Variants in C2CD3 observed in about 807,000 individuals in gnomAD.
The protein encoded by C2CD3 is C2 domain-containing protein 3.
Under a neutral mutation model 234.0 loss-of-function variants are expected in C2CD3, and 148 were observed. The observed-to-expected ratio is 0.63, with a 90% CI of 0.55 to 0.72. The LOEUF is 0.72. C2CD3 is among the 30% of genes least tolerant of loss of function. The pLI, the probability that C2CD3 is intolerant of heterozygous loss-of-function variation, is 0.00. For missense variants in C2CD3, 2,577 were observed against 2,811.5 expected (o/e 0.92, Z 1.89); for synonymous variants, 1,000 against 1,035.4 (o/e 0.97, Z 0.66).
intron 13 of C2CD3, among the ~76,000 whole-genome samples, chr11:74,106,151 T>C (rs1158097254): frequency 6.6e-6 from 1 of 152,182 alleles, no homozygotes; most frequent in Non-Finnish European, 1.5e-5. Context: ...TTCACCTCCA[T>C]AGAAAGATCC....
intron 24 of C2CD3, among the ~76,000 whole-genome samples, chr11:74,060,845 T>G (rs1954202537): frequency 6.6e-6 from 1 of 152,194 alleles, no homozygotes; most frequent in African/African-American, 2.4e-5. Context: ...AGGAGGATGT[T>G]CGAACCCATT....
chr11:74,094,791 C>T (rs1956044270), intron 17 of C2CD3, among the ~76,000 whole-genome samples: 1 of 152,128 alleles, frequency 6.6e-6, no homozygotes, highest in African/African-American at 2.4e-5. Context: ...AGATAATGAT[C>T]TATGTGAGAT....
intron 32 of C2CD3, among the ~76,000 whole-genome samples, chr11:74,018,905 C>T (rs1008239716): frequency 6.6e-6 from 1 of 152,276 alleles, no homozygotes; most frequent in East Asian, 1.9e-4. Context: ...TATGCTCCCT[C>T]CGTGCCACAC....
chr11:74,042,889 T>A (rs1024496544), intron 28 of C2CD3, among the ~76,000 whole-genome samples: 3 of 152,256 alleles, frequency 2.0e-5, no homozygotes, highest in South Asian at 4.1e-4. Flanking sequence ...TATTACGCCA[T>A]GTGATTATCA....
At chr11:74,124,856 T>G (rs567619656) in intron 7 of C2CD3, among the ~76,000 whole-genome samples, 1 of 152,374 alleles carries the variant, frequency 6.6e-6, no homozygotes, top group Non-Finnish European at 1.5e-5. Flanking sequence ...TTAAAAGTTA[T>G]GAAGACTTTT....
chr11:74,066,847 T>G (rs1954564432), intron 24 of C2CD3, among the ~76,000 whole-genome samples: 1 of 152,146 alleles, frequency 6.6e-6, no homozygotes, highest in Admixed American at 6.6e-5. Context: ...AAAGTAACAA[T>G]GATTCAGAGA....
chr11:74,084,210 G>A (rs192083018), intron 22 of C2CD3, among the ~76,000 whole-genome samples: 5 of 152,068 alleles, frequency 3.3e-5, no homozygotes, highest in South Asian at 2.1e-4. Flanking sequence ...ACTAGACACC[G>A]CATGTTCTTA....
chr11:74,170,880 GT>G lies in C2CD3; in HGVS notation c.-89del, dbSNP rs1470187115. ...CGCCATCCCTCCCCACGGCGCCTGC[GT>G]TCCCCGGCAACCGGCGCCGCTGGGC... On this transcript the variant is annotated 5_prime_UTR_variant, in exon 1 of 33. Transcript: ENST00000334126. The G allele has an allele frequency of 7.6e-6, 12 of 1,588,630 alleles. No homozygotes were observed. The highest frequency in any genetic ancestry group is 1.9e-4 in the Middle Eastern group (1 of 5,330).
intron 18 of C2CD3, among the ~76,000 whole-genome samples, chr11:74,093,006 T>C (rs190699718): frequency 8.1e-4 from 123 of 152,336 alleles, no homozygotes; most frequent in African/African-American, 1.8e-3. Flanking sequence ...TTCCTTCTTA[T>C]GTCAAAACAA....
At chr11:74,016,296 T>C (rs926497605) in intron 32 of C2CD3, among the ~76,000 whole-genome samples, 1 of 149,724 alleles carries the variant, frequency 6.7e-6, no homozygotes, top group African/African-American at 2.6e-5. Flanking sequence ...GCTGAGAAAG[T>C]CTGGGGCGGC....
chr11:74,145,375 T>A (rs1440793700), intron 3 of C2CD3, among the ~76,000 whole-genome samples: 1 of 152,224 alleles, frequency 6.6e-6, no homozygotes, highest in Non-Finnish European at 1.5e-5. Flanking sequence ...TTGAAAAGTG[T>A]CTGTTCATGT....
intron 24 of C2CD3, among the ~76,000 whole-genome samples, chr11:74,073,401 A>ATGG (rs1954886679): frequency 6.6e-6 from 1 of 152,136 alleles, no homozygotes; most frequent in South Asian, 2.1e-4. Flanking sequence ...AGCCTGTCCA[A>ATGG]CATGGTGAAA....
At chr11:74,146,710 C>CCACACACACACACACA (rs141560536) in intron 3 of C2CD3, among the ~76,000 whole-genome samples, 7 of 85,004 alleles carry the variant, frequency 8.2e-5, no homozygotes, top group Non-Finnish European at 1.1e-4. Flanking sequence ...AAAAGTCAAA[C>CCACACACACACACACA]CACACACACA....
chr11:74,021,442 CA>C (rs1336677244), intron 32 of C2CD3, among the ~76,000 whole-genome samples: 2 of 152,056 alleles, frequency 1.3e-5, no homozygotes, highest in African/African-American at 4.8e-5. Context: ...TGTAGAGTTA[CA>C]GTTGTAGAGT....
chr11:74,096,742 T>C (rs892244449), intron 16 of C2CD3, among the ~76,000 whole-genome samples: 1 of 152,230 alleles, frequency 6.6e-6, no homozygotes, highest in Non-Finnish European at 1.5e-5. Flanking sequence ...ATGACAGCCA[T>C]ACAACGCCTA....
chr11:74,091,647 A>T (rs1461130703), intron 19 of C2CD3, among the ~76,000 whole-genome samples: 1 of 152,172 alleles, frequency 6.6e-6, no homozygotes, highest in African/African-American at 2.4e-5. Context: ...CTAACTTTAA[A>T]CCCTAGCCTT....
At chr11:74,153,434 A>G (rs1278305072) in intron 3 of C2CD3, among the ~76,000 whole-genome samples, 8 of 152,248 alleles carry the variant, frequency 5.3e-5, no homozygotes, top group Non-Finnish European at 1.2e-4. Flanking sequence ...ATCATTGTCT[A>G]TAGAGAAAAT....
At position 74,145,678 on chromosome 11, in the gene C2CD3, G is replaced by A. The variant is rs1367125658; in HGVS notation, c.484-5850C>T. On this transcript the variant is annotated intron_variant, in intron 3 of 32. Coordinates refer to ENST00000334126, the MANE Select transcript of C2CD3 (RefSeq NM_001286577.2). ...AGGTTCCAGAGTCTTTACAGTTTTA[G>A]GTTTTACATTGAGGTCTTCAGTCCA... Among the ~76,000 whole-genome samples, 8 of 152,050 alleles carry A rather than the reference G, an allele frequency of 5.3e-5. No homozygotes were observed. The East Asian group carries it at 1.5e-3, about 29-fold the overall frequency.
In C2CD3 at chr11:74,103,255, C is replaced by T. The variant is rs1956382270; in HGVS notation, c.2456G>A (p.Ser819Asn). ...LMVPDGKDFI[S>N]GESEKQSPCN... ...TGGTGATTGTTTCTCAGATTCTCCA[C>T]TAATAAAATCTTTCCCATCTGGCAC... Residue 819 changes from serine (S) to asparagine (N), a missense_variant, in exon 14 of 33, where the codon AGT becomes AAT. Ser to Asn is a conservative substitution (Grantham distance 46). Coordinates refer to ENST00000334126, the MANE Select transcript of C2CD3 (RefSeq NM_001286577.2). 6.2e-7 allele frequency: 1 copy of T among 1,614,186 alleles called. No individual in the cohort carries two copies. The highest frequency in any genetic ancestry group is 1.3e-5 in the African/African-American group (1 of 75,030).
Sources: allele counts gnomAD v4.1 joint callset (sites outside exome capture counted in the v4.1 genomes callset), GRCh38; gene constraint gnomAD v4.1.1; transcripts MANE v1.5; gene names NCBI Gene and HGNC (gene_info 2026-07-23, HGNC 2026-07-21).